The following TMEM123 variants were observed in gnomAD, a reference collection of about 807,000 sequenced individuals.
TMEM123 encodes the protein porimin.
Under a neutral mutation model 19.7 loss-of-function variants are expected in TMEM123, and 16 were observed. The ratio of observed to expected loss-of-function variants is 0.81; its 90% confidence interval spans 0.55 to 1.23. The LOEUF (loss-of-function observed/expected upper bound fraction) is 1.23, where lower values mean the gene tolerates loss of function less well. Among genes scored for constraint, TMEM123 ranks in the 50% most tolerant of loss-of-function variants. The pLI, the probability that TMEM123 is intolerant of heterozygous loss-of-function variation, is 0.00. For missense variants in TMEM123, 313 were observed against 257.8 expected (o/e 1.21, Z -1.47); for synonymous variants, 118 against 99.4 (o/e 1.19, Z -1.12).
intron 2 of TMEM123, among the ~76,000 whole-genome samples, chr11:102,416,001 A>ACCTTCT (rs1952041804): frequency 6.6e-6 from 1 of 151,920 alleles, no homozygotes; most frequent in East Asian, 1.9e-4. Context: ...TGCAACTTCC[A>ACCTTCT]CCTTCTGGGT....
At chr11:102,449,911 C>A (rs1019290305) in intron 1 of TMEM123, among the ~76,000 whole-genome samples, 1 of 152,166 alleles carries the variant, frequency 6.6e-6, no homozygotes, top group African/African-American at 2.4e-5. Context: ...TGGAATTGGA[C>A]CAGATAGTTT....
intron 2 of TMEM123, among the ~76,000 whole-genome samples, chr11:102,425,066 G>A (rs879263291): frequency 1.3e-5 from 2 of 152,226 alleles, no homozygotes; most frequent in Non-Finnish European, 2.9e-5. Context: ...CAAGATGATA[G>A]CATATGTGTC....
At position 102,452,679 on chromosome 11, in the gene TMEM123, C is replaced by A; in HGVS notation, c.-56G>T. The A allele has an allele frequency of 1.5e-6, 2 of 1,334,770 alleles. No individual in the cohort carries two copies. The highest frequency in any genetic ancestry group is 2.0e-6 in the Non-Finnish European group (2 of 1,020,932). 82.7% of individuals were successfully genotyped at this position (1,334,770 alleles called of 1,614,324 possible). A position where few individuals can be genotyped will look rare whatever the true frequency, so the allele number is the denominator to read the frequency against. The stretch of plus-strand genomic sequence containing the variant: ...GGGCTCCCAGCCGAGGTGGCGGCGG[C>A]GAGAGCGGCTCCTCTGCGCAGCCGG... On this transcript the variant is annotated 5_prime_UTR_variant, in exon 1 of 5. Coordinates refer to ENST00000398136, the MANE Select transcript of TMEM123 (RefSeq NM_052932.3).
intron 2 of TMEM123, among the ~76,000 whole-genome samples, chr11:102,441,169 G>C (rs1857821890): frequency 1.3e-5 from 2 of 152,274 alleles, no homozygotes; most frequent in South Asian, 4.1e-4. Flanking sequence ...TCCGGGACTT[G>C]AACTCAGCTC....
chr11:102,424,972 G>A (rs751269630), intron 2 of TMEM123, among the ~76,000 whole-genome samples: 1 of 152,262 alleles, frequency 6.6e-6, no homozygotes, highest in African/African-American at 2.4e-5. Flanking sequence ...GTGTTTCCAG[G>A]AAACACTAGA....
At chr11:102,424,811 G>A (rs12272097) in intron 2 of TMEM123, among the ~76,000 whole-genome samples, 4,955 of 152,176 alleles carry the variant, frequency 0.033, 156 homozygotes, top group African/African-American at 0.083. Flanking sequence ...AAAAGGGAGC[G>A]GGTCAAAGCT....
intron 2 of TMEM123, among the ~76,000 whole-genome samples, chr11:102,405,948 C>G (rs972533603): frequency 6.6e-6 from 1 of 152,166 alleles, no homozygotes; most frequent in Non-Finnish European, 1.5e-5. Context: ...GGATGCTCTC[C>G]AAATTCACAT....
chr11:102,396,422 GTTTAAC>G lies in TMEM123; in HGVS notation c.*2439_*2444del, dbSNP rs1951855926. 1 of 151,986 alleles carries G rather than the reference GTTTAAC, an allele frequency of 6.6e-6. No individual in the cohort carries two copies. The highest frequency in any genetic ancestry group is 2.4e-5 in the African/African-American group (1 of 41,362). The allele number at this position is 151,986 out of a possible 1,614,324, so 9.4% of individuals were successfully genotyped here. A position where few individuals can be genotyped will look rare whatever the true frequency, so the allele number is the denominator to read the frequency against. On this transcript the variant is annotated 3_prime_UTR_variant, in exon 5 of 5. Coordinates refer to ENST00000398136, the MANE Select transcript of TMEM123 (RefSeq NM_052932.3). ...TCATTATAATAAAAAGAAAAGAAGA[GTTTAAC>G]TTTTTTTTTGTGAAAATACAAAATT... is the stretch of plus-strand genomic sequence containing the variant.
intron 2 of TMEM123, among the ~76,000 whole-genome samples, chr11:102,438,354 T>C (rs1208123764): frequency 6.6e-6 from 1 of 152,186 alleles, no homozygotes; most frequent in African/African-American, 2.4e-5. Context: ...GCCCAGTTTA[T>C]TTATTTTTAA....
intron 2 of TMEM123, among the ~76,000 whole-genome samples, chr11:102,419,712 A>G (rs555724028): frequency 6.6e-6 from 1 of 152,356 alleles, no homozygotes; most frequent in African/African-American, 2.4e-5. Flanking sequence ...TATTTAATCT[A>G]AAAGGAGAAT....
At chr11:102,429,235 T>C (rs1057280857) in intron 2 of TMEM123, among the ~76,000 whole-genome samples, 1 of 152,138 alleles carries the variant, frequency 6.6e-6, no homozygotes, top group Non-Finnish European at 1.5e-5. Context: ...AACAAGTCCT[T>C]GTTTATCTAA....
chr11:102,412,252 T>G (rs778071508), intron 2 of TMEM123, among the ~76,000 whole-genome samples: 8 of 152,156 alleles, frequency 5.3e-5, no homozygotes, highest in South Asian at 4.1e-4. Flanking sequence ...CCCAACATGG[T>G]GAAACCCTGT....
At position 102,401,566 on chromosome 11, in the gene TMEM123, G is replaced by A; in HGVS notation, c.575C>T (p.Ser192Leu). 1 of 1,591,002 alleles carries A rather than the reference G, an allele frequency of 6.3e-7. No homozygotes were observed. Among genetic ancestry groups the A allele is most frequent in the Non-Finnish European group, 8.5e-7 (1 of 1,174,318 alleles). ...ILYIGCKMYY[S>L]RRGIRYRTID... ...GGTTCGATACCGAATGCCTCTTCTT[G>A]AGTAATACATTTTGCATCCAATGTA... is the stretch of plus-strand genomic sequence containing the variant. Residue 192 changes from serine to leucine, a missense_variant, in exon 4 of 5, where the codon TCA becomes TTA. Transcript: ENST00000398136.
At chr11:102,442,527 G>T (rs971613001) in intron 2 of TMEM123, among the ~76,000 whole-genome samples, 1 of 152,128 alleles carries the variant, frequency 6.6e-6, no homozygotes, top group Non-Finnish European at 1.5e-5. Flanking sequence ...ATTAAACAGG[G>T]TATTGATGGA....
chr11:102,412,144 T>C (rs1210375894), intron 2 of TMEM123, among the ~76,000 whole-genome samples: 3 of 152,086 alleles, frequency 2.0e-5, no homozygotes, highest in African/African-American at 4.8e-5. Context: ...TAAAAGCAAA[T>C]AGAGGCCAGG....
At chr11:102,430,961 G>A (rs142259766) in intron 2 of TMEM123, among the ~76,000 whole-genome samples, 25 of 152,260 alleles carry the variant, frequency 1.6e-4, no homozygotes, top group African/African-American at 5.3e-4. Flanking sequence ...CAAATTCAAT[G>A]TGGGGTGAAA....
At chr11:102,412,368 C>T (rs1352780640) in intron 2 of TMEM123, among the ~76,000 whole-genome samples, 2 of 152,140 alleles carry the variant, frequency 1.3e-5, no homozygotes, top group Admixed American at 6.5e-5. Context: ...GCGGAGGTTG[C>T]AGTGAGCCGA....
At chr11:102,406,035 G>T (rs747388417) in intron 2 of TMEM123, among the ~76,000 whole-genome samples, 3 of 152,098 alleles carry the variant, frequency 2.0e-5, no homozygotes, top group Admixed American at 6.5e-5. Flanking sequence ...CCCAACTCTG[G>T]TCTTCTTCCC....
At chr11:102,448,195 C>T (rs1191860437) in intron 2 of TMEM123, 2 of 455,042 alleles carry the variant, frequency 4.4e-6, no homozygotes, top group Non-Finnish European at 8.8e-6. Context: ...AGATTAAGGG[C>T]AGTGAGAAGA....
Sources: allele counts gnomAD v4.1 joint callset (sites outside exome capture counted in the v4.1 genomes callset), GRCh38; gene constraint gnomAD v4.1.1; transcripts MANE v1.5; gene names NCBI Gene and HGNC (gene_info 2026-07-23, HGNC 2026-07-21).